LRP1B: variants seen among roughly 807,000 people sequenced by gnomAD.
LRP1B encodes low-density lipoprotein receptor-related protein 1B.
In LRP1B, 217 loss-of-function variants were observed where a neutral mutation model predicts 556.6. The observed-to-expected ratio is 0.39, with a 90% CI of 0.35 to 0.44. LRP1B has a LOEUF of 0.44. LRP1B is among the 20% of genes least tolerant of loss of function. The pLI, the probability that LRP1B is intolerant of heterozygous loss-of-function variation, is 1.00. For synonymous variants in LRP1B, 2,047 were observed against 1,865.8 expected (o/e 1.10, Z -2.50); for missense variants, 5,053 against 5,620.8 (o/e 0.90, Z 3.23).
At chr2:141,832,705 C>T (rs1697152159) in intron 1 of LRP1B, among the ~76,000 whole-genome samples, 1 of 151,762 alleles carries the variant, frequency 6.6e-6, no homozygotes, top group South Asian at 2.1e-4. Flanking sequence ...ATAAGTTATA[C>T]ATCAGCTACC....
chr2:141,682,624 C>T (rs74697897), intron 2 of LRP1B, among the ~76,000 whole-genome samples: 6,247 of 152,112 alleles, frequency 0.041, 177 homozygotes, highest in East Asian at 0.094. Flanking sequence ...GGAAACTTTT[C>T]GAGTACATGT....
At chr2:141,616,552 A>G (rs1553543490) in intron 2 of LRP1B, among the ~76,000 whole-genome samples, 1 of 152,192 alleles carries the variant, frequency 6.6e-6, no homozygotes, top group African/African-American at 2.4e-5. Context: ...TAGTCATTCA[A>G]TAGAAAGATA....
In LRP1B at chr2:141,203,074, G is replaced by A. The variant is rs148472227; in HGVS notation, c.851-14491C>T. 7.4e-3 allele frequency among the ~76,000 whole-genome samples: 1,127 copies of A among 152,102 alleles called. 22 individuals carry two copies. The highest frequency in any genetic ancestry group is 0.024 in the African/African-American group (990 of 41,488). ...TGGAAAGGAACAACTGGTACCAGCCGCTGCAAAAACATAGCAAATTGTAAA... is the reference window on the plus strand; with the variant it reads ...TGGAAAGGAACAACTGGTACCAGCCACTGCAAAAACATAGCAAATTGTAAA... On this transcript the variant is annotated intron_variant, in intron 6 of 90. Coordinates refer to ENST00000389484, the MANE Select transcript of LRP1B (RefSeq NM_018557.3).
intron 2 of LRP1B, among the ~76,000 whole-genome samples, chr2:141,561,054 T>C (rs1480019376): frequency 1.3e-5 from 2 of 151,652 alleles, no homozygotes; most frequent in African/African-American, 4.8e-5. Flanking sequence ...ACCTTGTGGG[T>C]TTTAAGCAGG....
chr2:141,732,439 G>A (rs540704099), intron 2 of LRP1B, among the ~76,000 whole-genome samples: 24 of 151,970 alleles, frequency 1.6e-4, no homozygotes, highest in East Asian at 7.7e-4. Flanking sequence ...CTAAAATTAC[G>A]GTGGACAAAT....
intron 6 of LRP1B, among the ~76,000 whole-genome samples, chr2:141,225,781 A>G (rs928333662): frequency 1.3e-5 from 2 of 152,068 alleles, no homozygotes; most frequent in African/African-American, 2.4e-5. Context: ...TTCTCTCACA[A>G]TATTGTTTAG....
chr2:141,322,775 A>T (rs1475215902), intron 3 of LRP1B, among the ~76,000 whole-genome samples: 1 of 151,970 alleles, frequency 6.6e-6, no homozygotes, highest in Non-Finnish European at 1.5e-5. Context: ...TCTAAACCAC[A>T]AATATAGAAT....
At chr2:141,005,302 T>A in intron 15 of LRP1B, 33 bp downstream of exon 15, 1 of 1,603,268 alleles carries the variant, frequency 6.2e-7, no homozygotes, top group Non-Finnish European at 8.5e-7. Flanking sequence ...AAGAGCCCGA[T>A]AAACAAATAA....
chr2:141,534,990 G>T (rs1259390734), intron 2 of LRP1B, among the ~76,000 whole-genome samples: 1 of 152,066 alleles, frequency 6.6e-6, no homozygotes, highest in Admixed American at 6.6e-5. Context: ...GGTTTCTAGC[G>T]TTATGACTTC....
chr2:140,299,451 T>C (rs938789777), intron 83 of LRP1B, among the ~76,000 whole-genome samples: 4 of 152,154 alleles, frequency 2.6e-5, no homozygotes, highest in Non-Finnish European at 5.9e-5. Context: ...TGGTGGCAGA[T>C]AAATGCCTAT....
intron 23 of LRP1B, among the ~76,000 whole-genome samples, chr2:140,894,942 C>CAA (rs553164109): frequency 7.1e-5 from 8 of 112,962 alleles, no homozygotes; most frequent in Admixed American, 1.9e-4. Flanking sequence ...GACTCTGCCT[C>CAA]AAAAAAAAAA....
At chr2:142,057,418 T>C (rs528639117) in intron 1 of LRP1B, among the ~76,000 whole-genome samples, 1 of 152,178 alleles carries the variant, frequency 6.6e-6, no homozygotes, top group South Asian at 2.1e-4. Flanking sequence ...TGCAAGAAGA[T>C]GGGGGTCAGG....
chr2:141,195,618 G>T (rs562149409), intron 6 of LRP1B, among the ~76,000 whole-genome samples: 16 of 152,150 alleles, frequency 1.1e-4, no homozygotes, highest in African/African-American at 3.9e-4. Context: ...TAACTGTTTT[G>T]GATTCCTGAA....
intron 27 of LRP1B, among the ~76,000 whole-genome samples, chr2:140,859,758 G>C (rs929078761): frequency 6.6e-6 from 1 of 152,048 alleles, no homozygotes; most frequent in Non-Finnish European, 1.5e-5. Context: ...ACTTTGGGAG[G>C]CCGAGGTGGG....
chr2:141,594,622 T>C (rs1687454497), intron 2 of LRP1B, among the ~76,000 whole-genome samples: 1 of 152,096 alleles, frequency 6.6e-6, no homozygotes, highest in Non-Finnish European at 1.5e-5. Context: ...AAAGTGATAA[T>C]TGGGAGAGAG....
At chr2:140,549,141 C>T (rs187315794) in intron 43 of LRP1B, among the ~76,000 whole-genome samples, 63 of 152,136 alleles carry the variant, frequency 4.1e-4, no homozygotes, top group African/African-American at 1.3e-3. Context: ...CTTCAACATG[C>T]ATCTGAATCA....
At chr2:140,746,121 T>C (rs1487098158) in intron 35 of LRP1B, among the ~76,000 whole-genome samples, 1 of 152,110 alleles carries the variant, frequency 6.6e-6, no homozygotes, top group Non-Finnish European at 1.5e-5. Context: ...GTTTAACATA[T>C]GATTCATGAT....
chr2:140,551,112 G>T (rs1322072031), intron 43 of LRP1B, among the ~76,000 whole-genome samples: 1 of 152,150 alleles, frequency 6.6e-6, no homozygotes, highest in Non-Finnish European at 1.5e-5. Context: ...CCCCAGAATT[G>T]TGAGAAATAA....
At chr2:140,828,782 T>C (rs1573773763) in intron 31 of LRP1B, among the ~76,000 whole-genome samples, 1 of 26,324 alleles carries the variant, frequency 3.8e-5, no homozygotes, top group African/African-American at 1.1e-4. Flanking sequence ...AGAGCGAGAC[T>C]CCGTCTCAAA....
Sources: gnomAD v4.1 joint callset for allele counts (sites outside exome capture counted in the v4.1 genomes callset) on GRCh38, gnomAD v4.1.1 for gene constraint, MANE v1.5 for transcripts, NCBI Gene and HGNC (gene_info 2026-07-23, HGNC 2026-07-21) for gene names.